TMEM132C: variants seen among roughly 807,000 people sequenced by gnomAD.
TMEM132C encodes protein phosphatase 1, regulatory subunit 152.
In TMEM132C, 29 loss-of-function variants were observed where a neutral mutation model predicts 61.4. The observed-to-expected ratio is 0.47, with a 90% CI of 0.35 to 0.64. The LOEUF is 0.64. Ranked by LOEUF, TMEM132C falls within the 30% of genes least tolerant of loss-of-function variation. The pLI is 0.00. For missense variants in TMEM132C, 1,408 were observed against 1,476.9 expected (o/e 0.95, Z 0.76); for synonymous variants, 656 against 633.1 (o/e 1.04, Z -0.54).
At chr12:128,327,945 A>C (rs1872574947) in intron 1 of TMEM132C, among the ~76,000 whole-genome samples, 1 of 152,018 alleles carries the variant, frequency 6.6e-6, no homozygotes, top group Admixed American at 6.6e-5. Flanking sequence ...AATAGATGTG[A>C]ATGTTTCTTA....
chr12:128,482,090 G>A lies in TMEM132C; in HGVS notation c.975-61867G>A, dbSNP rs143191907. ...TCCATTAATGCCTAGTTTATTGAGAGTTTTTAGCATGAAGGGGTGTTGAAT... is the reference window on the plus strand; with the variant it reads ...TCCATTAATGCCTAGTTTATTGAGAATTTTTAGCATGAAGGGGTGTTGAAT... On this transcript the variant is annotated intron_variant, in intron 2 of 8. Transcript: ENST00000435159. Among the ~76,000 whole-genome samples the A allele has an allele frequency of 2.1e-3, 326 of 152,234 alleles. 2 individuals are homozygous for A. The highest frequency in any genetic ancestry group is 7.3e-3 in the African/African-American group (305 of 41,544).
At chr12:128,689,805 C>T (rs7966679) in intron 5 of TMEM132C, among the ~76,000 whole-genome samples, 28,970 of 152,088 alleles carry the variant, frequency 0.19, 3,392 homozygotes, top group African/African-American at 0.33. Context: ...CAACAGCATC[C>T]GCAGCCGCTG....
At chr12:128,588,719 T>C (rs1294288221) in intron 3 of TMEM132C, among the ~76,000 whole-genome samples, 2 of 152,200 alleles carry the variant, frequency 1.3e-5, no homozygotes, top group Non-Finnish European at 2.9e-5. Flanking sequence ...GAGCTCCCTC[T>C]TTCCTTCCAC....
At chr12:128,640,392 G>A (rs932929680) in intron 4 of TMEM132C, among the ~76,000 whole-genome samples, 15 of 152,154 alleles carry the variant, frequency 9.9e-5, no homozygotes, top group African/African-American at 3.6e-4. Context: ...ACCACATGCT[G>A]TATGATTCCA....
At chr12:128,668,514 C>T (rs944374284) in intron 4 of TMEM132C, among the ~76,000 whole-genome samples, 1 of 152,300 alleles carries the variant, frequency 6.6e-6, no homozygotes, top group Admixed American at 6.5e-5. Context: ...CTTTTAGTAT[C>T]CTTGAAGGTG....
chr12:128,382,942 G>T (rs770076805), intron 1 of TMEM132C, among the ~76,000 whole-genome samples: 19 of 151,974 alleles, frequency 1.3e-4, no homozygotes, highest in African/African-American at 4.6e-4. Flanking sequence ...CTGTGTATGT[G>T]GGTGTGTGTG....
chr12:128,608,571 A>G (rs1306866229), intron 3 of TMEM132C, among the ~76,000 whole-genome samples: 1 of 152,264 alleles, frequency 6.6e-6, no homozygotes, highest in Non-Finnish European at 1.5e-5. Flanking sequence ...ATATCTGTGC[A>G]TAGAAATTAG....
At chr12:128,515,674 A>C (rs1872694936) in intron 2 of TMEM132C, among the ~76,000 whole-genome samples, 2 of 152,296 alleles carry the variant, frequency 1.3e-5, no homozygotes, top group East Asian at 3.9e-4. Context: ...TCTACTAAAA[A>C]TACAAAAAAA....
chr12:128,527,358 G>A (rs925628357), intron 2 of TMEM132C, among the ~76,000 whole-genome samples: 1 of 152,110 alleles, frequency 6.6e-6, no homozygotes, highest in Non-Finnish European at 1.5e-5. Context: ...CATACTTGCT[G>A]GGGAAAGCAA....
In TMEM132C at chr12:128,415,755, G is replaced by A; in HGVS notation, c.974+135G>A. ...GACCGTTTGGCATTAACAGGGGAAG[G>A]CAAATTATGCACCTGCCCACATGCT... On this transcript the variant is annotated intron_variant, in intron 2 of 8. Coordinates refer to ENST00000435159, the MANE Select transcript of TMEM132C (RefSeq NM_001136103.3). This position sits in a 1 kb window ranked among gnomAD's most constrained non-coding sequence, Gnocchi z 5.8. 1.0e-6 allele frequency: 1 copy of A among 1,000,760 alleles called. No individual in the cohort carries two copies. Among genetic ancestry groups the A allele is most frequent in the Non-Finnish European group, 1.4e-6 (1 of 704,760 alleles). The allele number at this position is 1,000,760 out of a possible 1,614,324, so 62.0% of individuals were successfully genotyped here.
intron 5 of TMEM132C, among the ~76,000 whole-genome samples, chr12:128,674,849 G>A (rs1428872623): frequency 1.3e-5 from 2 of 150,720 alleles, no homozygotes; most frequent in African/African-American, 4.9e-5. Flanking sequence ...TCCCCCCAAG[G>A]CCCCAAAGTC....
At chr12:128,433,772 C>G (rs928482532) in intron 2 of TMEM132C, among the ~76,000 whole-genome samples, 1 of 101,914 alleles carries the variant, frequency 9.8e-6, no homozygotes, top group Non-Finnish European at 2.1e-5. Context: ...ACACAGGGAG[C>G]AAGCAAGATC....
At position 128,514,532 on chromosome 12, in the gene TMEM132C, G is replaced by C. The variant is rs574004096; in HGVS notation, c.975-29425G>C. 5.1e-3 allele frequency among the ~76,000 whole-genome samples: 769 copies of C among 152,068 alleles called. 6 individuals are homozygous for C. Among genetic ancestry groups the C allele is most frequent in the African/African-American group, 0.018 (747 of 41,496 alleles). On this transcript the variant is annotated intron_variant, in intron 2 of 8. Transcript: ENST00000435159. ...GGGAGGTGGTGGTGGCAGGCGGGGTGCGGGGGCGACGCAATTTGTTCAGTG... is the reference window on the plus strand; with the variant it reads ...GGGAGGTGGTGGTGGCAGGCGGGGTCCGGGGGCGACGCAATTTGTTCAGTG...
At chr12:128,352,696 G>A (rs528409125) in intron 1 of TMEM132C, among the ~76,000 whole-genome samples, 3 of 152,180 alleles carry the variant, frequency 2.0e-5, no homozygotes, top group Admixed American at 1.3e-4. Flanking sequence ...CAGGTATATA[G>A]ATTTGATTTG....
chr12:128,680,526 G>T (rs1954626771), intron 5 of TMEM132C, among the ~76,000 whole-genome samples: 2 of 152,230 alleles, frequency 1.3e-5, no homozygotes, highest in Non-Finnish European at 2.9e-5. Context: ...GAAAATTTCA[G>T]CTCCTCAGTC....
At chr12:128,429,064 G>C (rs1043015504) in intron 2 of TMEM132C, among the ~76,000 whole-genome samples, 2 of 152,164 alleles carry the variant, frequency 1.3e-5, no homozygotes, top group Non-Finnish European at 2.9e-5. Context: ...CATCTCTGTA[G>C]CAGCATCTAC....
chr12:128,349,968 G>A (rs1053514760), intron 1 of TMEM132C, among the ~76,000 whole-genome samples: 2 of 151,790 alleles, frequency 1.3e-5, no homozygotes, highest in African/African-American at 4.8e-5. Flanking sequence ...TGTGATTTCA[G>A]CTTAAAAATT....
intron 1 of TMEM132C, among the ~76,000 whole-genome samples, chr12:128,289,933 T>A (rs1210615699): frequency 6.6e-6 from 1 of 152,208 alleles, no homozygotes; most frequent in African/African-American, 2.4e-5. Context: ...AGGCAAACCC[T>A]GTCCTGAGGC....
intron 1 of TMEM132C, among the ~76,000 whole-genome samples, chr12:128,353,091 A>G (rs1436922141): frequency 6.6e-6 from 1 of 152,252 alleles, no homozygotes; most frequent in Non-Finnish European, 1.5e-5. Context: ...TAAAGCATAT[A>G]ACAAAGTAGA....
Sources: gnomAD v4.1 joint callset for allele counts (sites outside exome capture counted in the v4.1 genomes callset) on GRCh38, gnomAD v4.1.1 for gene constraint, Gnocchi (gnomAD v3.1) non-coding constraint, MANE v1.5 for transcripts, NCBI Gene and HGNC (gene_info 2026-07-23, HGNC 2026-07-21) for gene names.